The following JAG1 variants were observed in gnomAD, a reference collection of about 807,000 sequenced individuals.
JAG1 encodes the protein jagged canonical Notch ligand 1, also known as protein jagged-1.
In JAG1, 23 loss-of-function variants were observed where a neutral mutation model predicts 148.7. That is an observed-to-expected ratio of 0.15 (90% CI 0.11 to 0.22). JAG1 has a LOEUF of 0.22. JAG1 is among the 10% of genes least tolerant of loss of function. The pLI is 1.00. For synonymous variants in JAG1, 572 were observed against 598.3 expected (o/e 0.96, Z 0.64); for missense variants, 1,054 against 1,611.2 (o/e 0.65, Z 5.92).
chr20:10,642,752 C>A, intron 20 of JAG1, 151 bp from the exon 21 acceptor site: 1 of 692,268 alleles, frequency 1.4e-6, no homozygotes, highest in Non-Finnish European at 2.6e-6. Flanking sequence ...AGAAACAGAT[C>A]TATTGCAAAA....
In JAG1 at chr20:10,638,030, AACAAC is replaced by A. The variant is rs2067244628; in HGVS notation, c.*1463_*1467del. Reference sequence around the variant, plus strand: ...TTACTTTTCAAAATTTATTGCCAAGAACAACACATCAAAGATGCATTTGTATGTTC... The same window carrying A: ...TTACTTTTCAAAATTTATTGCCAAGAACATCAAAGATGCATTTGTATGTTC... On this transcript the variant is annotated 3_prime_UTR_variant, in exon 26 of 26. Transcript: ENST00000254958. 1.3e-5 allele frequency: 2 copies of A among 152,710 alleles called. No individual in the cohort carries two copies. Among genetic ancestry groups the A allele is most frequent in the Admixed American group, 1.3e-4 (2 of 15,288 alleles). The allele number at this position is 152,710 out of a possible 1,614,324, so 9.5% of individuals were successfully genotyped here. A position where few individuals can be genotyped will look rare whatever the true frequency, so the allele number is the denominator to read the frequency against.
Position 10,669,659 on chromosome 20 carries a change from A to G in JAG1, c.387+3042T>C, listed in dbSNP as rs139770234. Among the ~76,000 whole-genome samples the G allele has an allele frequency of 9.3e-3, 1,391 of 148,932 alleles. 25 individuals are homozygous for G. Among genetic ancestry groups the G allele is most frequent in the African/African-American group, 0.033 (1,317 of 40,412 alleles). ...TGAGGCTAATAAGCCAGATACCCCA[A>G]TTTCTTCCCCTAACGTTTCTCTAGA... On this transcript the variant is annotated intron_variant, in intron 2 of 25. Coordinates refer to ENST00000254958, the MANE Select transcript of JAG1 (RefSeq NM_000214.3).
chr20:10,645,893 A>G lies in JAG1; in HGVS notation c.1999+78T>C. ...CTTCCAGAGATTTCCAGTACAAAGA[A>G]AGTTTTCCCACGTTGAAGTGGGATC... On this transcript the variant is annotated intron_variant, in intron 15 of 25. Transcript: ENST00000254958. The surrounding 1 kb of genome is among the most constrained non-coding windows in gnomAD (Gnocchi z 6.1). 1 of 990,238 alleles carries G rather than the reference A, an allele frequency of 1.0e-6. No homozygotes were observed. The highest frequency in any genetic ancestry group is 1.6e-6 in the Non-Finnish European group (1 of 611,728). The allele number at this position is 990,238 out of a possible 1,614,324, so 61.3% of individuals were successfully genotyped here. A position where few individuals can be genotyped will look rare whatever the true frequency, so the allele number is the denominator to read the frequency against.
At position 10,645,739 on chromosome 20, in the gene JAG1, ATATT is replaced by A. The variant is rs2067304420; in HGVS notation, c.1999+228_1999+231del. 4.9e-6 allele frequency: 3 copies of A among 617,334 alleles called. No homozygotes were observed. The highest frequency in any genetic ancestry group is 3.7e-5 in the African/African-American group (2 of 54,212). The allele number at this position is 617,334 out of a possible 1,614,324, so 38.2% of individuals were successfully genotyped here. ...AATATGACTTTCCTTGCAAGCAGGA[ATATT>A]TATTACACAGTCTAATTCTATAGGT... On this transcript the variant is annotated intron_variant, in intron 15 of 25. Transcript: ENST00000254958. This position sits in a 1 kb window ranked among gnomAD's most constrained non-coding sequence, Gnocchi z 6.1.
intron 2 of JAG1, among the ~76,000 whole-genome samples, chr20:10,672,454 A>G (rs2067503188): frequency 1.3e-5 from 2 of 152,164 alleles, no homozygotes; most frequent in Admixed American, 6.5e-5. Flanking sequence ...CTGGTCCCAT[A>G]AACCCTCTGG....
chr20:10,657,413 AAC>A (rs1030715918), intron 4 of JAG1, among the ~76,000 whole-genome samples: 5 of 151,980 alleles, frequency 3.3e-5, no homozygotes, highest in Non-Finnish European at 7.4e-5. Flanking sequence ...TAATTTTTAA[AAC>A]ACACTAAAAT....
rs963076704 is a variant in JAG1 at position 10,639,615 on chromosome 20, G to A, written c.3540C>T (p.Asp1180=). Residue 1180 remains aspartate (D), a synonymous_variant, in exon 26 of 26, where the codon GAC becomes GAT. Transcript: ENST00000254958. Reference sequence around the variant, plus strand: ...TGCCGTTGGGGGGCTTCTCTTCTCTGTCTACCAGCGTGTACGCCGGCTGCT... The same window carrying A: ...TGCCGTTGGGGGGCTTCTCTTCTCTATCTACCAGCGTGTACGCCGGCTGCT... ...FAKQPAYTLV[D]REEKPPNGTP... is the part of the protein sequence containing the mutation. 5.0e-6 allele frequency: 8 copies of A among 1,614,210 alleles called. No homozygotes were observed. Among genetic ancestry groups the A allele is most frequent in the Non-Finnish European group, 6.8e-6 (8 of 1,180,024 alleles).
chr20:10,666,679 T>C, intron 2 of JAG1, among the ~76,000 whole-genome samples: 1 of 152,118 alleles, frequency 6.6e-6, no homozygotes, highest in East Asian at 1.9e-4. Flanking sequence ...AGCAAACAGA[T>C]CTTTAGTCTG....
chr20:10,640,759 A>G, intron 25 of JAG1, 24 bp downstream of exon 25: 1 of 1,612,848 alleles, frequency 6.2e-7, no homozygotes, highest in East Asian at 2.2e-5. Flanking sequence ...ATCATCACAC[A>G]AACTAGTCCC....
chr20:10,649,141 T>A, intron 10 of JAG1, 34 bp from the exon 11 acceptor site: 1 of 1,439,058 alleles, frequency 6.9e-7, no homozygotes, highest in Non-Finnish European at 9.8e-7. Flanking sequence ...TTTAAAGAGG[T>A]AATTTACAGT....
At chr20:10,648,962 T>C (rs1446394060) in intron 11 of JAG1, 99 bp downstream of exon 11, 2 of 1,110,852 alleles carry the variant, frequency 1.8e-6, no homozygotes, top group Non-Finnish European at 2.7e-6. Flanking sequence ...TTCACCCAAA[T>C]TTTTAAATCT....
intron 8 of JAG1, chr20:10,650,804 C>T (rs968173399): frequency 4.8e-6 from 1 of 208,300 alleles, no homozygotes; most frequent in South Asian, 8.4e-5. Flanking sequence ...GCATTCTCCA[C>T]TTCTGCTCTG....
chr20:10,659,309 A>G (rs892526930), intron 3 of JAG1, among the ~76,000 whole-genome samples: 1 of 152,248 alleles, frequency 6.6e-6, no homozygotes, highest in Non-Finnish European at 1.5e-5. Context: ...AACCATTTAT[A>G]TTTGTTCCTG....
chr20:10,656,316 G>A, intron 5 of JAG1, 82 bp downstream of exon 5: 2 of 1,115,410 alleles, frequency 1.8e-6, no homozygotes, highest in South Asian at 2.5e-5. Flanking sequence ...AAGGAAAAAA[G>A]AGGCATAGTC....
rs1337152056 is a variant in JAG1, at chr20:10,649,739, T to G, written c.1235-104A>C. The stretch of plus-strand genomic sequence containing the variant: ...CAGAGTTTGTCTGAGACATGAGACA[T>G]TTTAATAAGCTAGCTAAATAAAAGA... On this transcript the variant is annotated intron_variant, in intron 9 of 25. Transcript: ENST00000254958. 8 of 729,416 alleles carry G rather than the reference T, an allele frequency of 1.1e-5. No homozygotes were observed. In the Admixed American group the frequency reaches 1.6e-4, roughly 15 times the overall value. 45.2% of individuals were successfully genotyped at this position (729,416 alleles called of 1,614,324 possible). A position where few individuals can be genotyped will look rare whatever the true frequency, so the allele number is the denominator to read the frequency against.
In JAG1 at chr20:10,643,303, G is replaced by A. The variant is rs528832661; in HGVS notation, c.2458+475C>T. ...CAAAATAATATGCTTTAAGCCTCTT[G>A]AAAAACTGCGTTGCCTGCCCCTATT... On this transcript the variant is annotated intron_variant, in intron 20 of 25. Coordinates refer to ENST00000254958, the MANE Select transcript of JAG1 (RefSeq NM_000214.3). 1.1e-4 allele frequency among the ~76,000 whole-genome samples: 16 copies of A among 152,292 alleles called. No homozygotes were observed. In the South Asian group the frequency reaches 3.3e-3, roughly 32 times the overall value.
chr20:10,672,206 C>G (rs1156608417), intron 2 of JAG1, among the ~76,000 whole-genome samples: 1 of 152,198 alleles, frequency 6.6e-6, no homozygotes, highest in African/African-American at 2.4e-5. Flanking sequence ...CAGCGGGAAA[C>G]GGACTCCCCC....
chr20:10,661,112 C>T (rs1600190288), intron 3 of JAG1, among the ~76,000 whole-genome samples: 1 of 152,264 alleles, frequency 6.6e-6, no homozygotes, highest in South Asian at 2.1e-4. Context: ...ACTCTATATA[C>T]CACAGTCCCA....
chr20:10,641,928 T>C (rs1443396772), intron 21 of JAG1, 36 bp from the exon 22 acceptor site: 1 of 1,376,972 alleles, frequency 7.3e-7, no homozygotes, highest in South Asian at 1.2e-5. Flanking sequence ...TTTATTTTTC[T>C]GTGAACCGGA....
Sources: gnomAD v4.1 joint callset for allele counts (sites outside exome capture counted in the v4.1 genomes callset) on GRCh38, gnomAD v4.1.1 for gene constraint, Gnocchi (gnomAD v3.1) non-coding constraint, MANE v1.5 for transcripts, NCBI Gene and HGNC (gene_info 2026-07-23, HGNC 2026-07-21) for gene names.